The following PLPP1 variants were observed in gnomAD, a reference collection of about 807,000 sequenced individuals.
PLPP1 encodes phospholipid phosphatase 1, also known as lipid phosphate phosphohydrolase 1a.
In PLPP1, 24 loss-of-function variants were observed where a neutral mutation model predicts 31.2. The ratio of observed to expected loss-of-function variants is 0.77; its 90% CI spans 0.56 to 1.08. The LOEUF is 1.08. PLPP1 is among the 50% of genes least tolerant of loss of function. The pLI is 0.00. For missense variants in PLPP1, 319 were observed against 342.7 expected (o/e 0.93, Z 0.55); for synonymous variants, 146 against 126.3 (o/e 1.16, Z -1.05).
intron 2 of PLPP1, among the ~76,000 whole-genome samples, chr5:55,473,994 G>GTTTTTGTTTTTGTTT (rs59649742): frequency 1.2e-4 from 18 of 144,992 alleles, no homozygotes; most frequent in South Asian, 2.1e-4. Flanking sequence ...TTGTTTGTTT[G>GTTTTTGTTTTTGTTT]TTGTTTTTTT....
intron 2 of PLPP1, among the ~76,000 whole-genome samples, chr5:55,471,260 G>A (rs1026362055): frequency 6.6e-6 from 1 of 150,440 alleles, no homozygotes; most frequent in Admixed American, 6.6e-5. Flanking sequence ...AGAGTGCAGC[G>A]GCGTGATCTC....
At chr5:55,491,101 C>A in intron 1 of PLPP1, 1 of 1,613,046 alleles carries the variant, frequency 6.2e-7, no homozygotes, top group Non-Finnish European at 8.5e-7. Flanking sequence ...TTAGAACAGC[C>A]ATAGGCATGG....
At chr5:55,470,017 T>C (rs1289097547) in intron 2 of PLPP1, among the ~76,000 whole-genome samples, 1 of 152,200 alleles carries the variant, frequency 6.6e-6, no homozygotes, top group Non-Finnish European at 1.5e-5. Flanking sequence ...ACAGTTCTAA[T>C]TATAGTCCTT....
At chr5:55,483,455 T>G (rs1212910734) in intron 1 of PLPP1, among the ~76,000 whole-genome samples, 1 of 152,138 alleles carries the variant, frequency 6.6e-6, no homozygotes, top group Admixed American at 6.5e-5. Flanking sequence ...GCAGATCACA[T>G]GAGGTCAGGA....
At chr5:55,483,229 TTAATA>T (rs1249367981) in intron 1 of PLPP1, among the ~76,000 whole-genome samples, 4 of 152,218 alleles carry the variant, frequency 2.6e-5, no homozygotes, top group Non-Finnish European at 4.4e-5. Flanking sequence ...TATTGTCTAC[TTAATA>T]TATTATTACA....
chr5:55,487,126 C>G (rs1752791152), intron 1 of PLPP1, among the ~76,000 whole-genome samples: 1 of 152,158 alleles, frequency 6.6e-6, no homozygotes, highest in Admixed American at 6.6e-5. Flanking sequence ...AGTCAGTACT[C>G]AAGTCGATTT....
chr5:55,471,306 A>T (rs915830416), intron 2 of PLPP1, among the ~76,000 whole-genome samples: 2 of 150,702 alleles, frequency 1.3e-5, no homozygotes, highest in African/African-American at 4.9e-5. Context: ...GGTTCAAGTG[A>T]TTCTCCTGCT....
chr5:55,506,019 T>G (rs1414040677), intron 1 of PLPP1, among the ~76,000 whole-genome samples: 1 of 152,124 alleles, frequency 6.6e-6, no homozygotes, highest in African/African-American at 2.4e-5. Context: ...ATCACGCCAC[T>G]GCACTCCAGC....
At chr5:55,445,931 G>A (rs187933510) in intron 3 of PLPP1, among the ~76,000 whole-genome samples, 46 of 152,148 alleles carry the variant, frequency 3.0e-4, no homozygotes, top group African/African-American at 9.4e-4. Flanking sequence ...CTATCATTGC[G>A]CTATCTTCTG....
chr5:55,468,138 T>G lies in PLPP1; in HGVS notation c.222A>C (p.Gly74=). The G allele has an allele frequency of 6.3e-7, 1 of 1,585,734 alleles. No homozygotes were observed. The highest frequency in any genetic ancestry group is 1.1e-5 in the South Asian group (1 of 87,286). ...GGTTACAGTAAACAGACAGGGTTTC[T>G]CCAAGAATAATCTGAAAAAGAAACA... ...IPFSIIVIIL[G]ETLSVYCNLL... Residue 74 remains glycine (G), a synonymous_variant, in exon 3 of 6, where the codon GGA becomes GGC. Coordinates refer to ENST00000307259, the MANE Select transcript of PLPP1 (RefSeq NM_003711.4).
At chr5:55,448,112 T>C (rs1182538077) in intron 3 of PLPP1, among the ~76,000 whole-genome samples, 1 of 152,228 alleles carries the variant, frequency 6.6e-6, no homozygotes, top group Non-Finnish European at 1.5e-5. Flanking sequence ...GACCTCTTAA[T>C]GAACATAAAC....
At chr5:55,504,988 T>C (rs1357513699) in intron 1 of PLPP1, among the ~76,000 whole-genome samples, 2 of 151,968 alleles carry the variant, frequency 1.3e-5, no homozygotes, top group African/African-American at 2.4e-5. Context: ...TTTTTGTATT[T>C]TATGTAGAGA....
At chr5:55,483,144 T>C (rs1344191456) in intron 1 of PLPP1, among the ~76,000 whole-genome samples, 1 of 152,144 alleles carries the variant, frequency 6.6e-6, no homozygotes, top group East Asian at 1.9e-4. Context: ...TAGGAGCACT[T>C]AGACTACCAA....
At chr5:55,505,967 G>A (rs1753265790) in intron 1 of PLPP1, among the ~76,000 whole-genome samples, 1 of 152,230 alleles carries the variant, frequency 6.6e-6, no homozygotes, top group African/African-American at 2.4e-5. Context: ...TGAGGCAGGA[G>A]AATCGCTTGA....
At chr5:55,489,812 A>C (rs1473456758) in intron 1 of PLPP1, among the ~76,000 whole-genome samples, 1 of 152,210 alleles carries the variant, frequency 6.6e-6, no homozygotes. Flanking sequence ...TGTAAGTCAT[A>C]TATCTAGGAA....
At chr5:55,533,594 A>C (rs2111969990) in intron 1 of PLPP1, among the ~76,000 whole-genome samples, 1 of 152,306 alleles carries the variant, frequency 6.6e-6, no homozygotes, top group Middle Eastern at 3.4e-3. Flanking sequence ...CAGGTGGCTA[A>C]AGCCACAGAT....
chr5:55,479,878 C>T (rs977580586), intron 1 of PLPP1, among the ~76,000 whole-genome samples: 14 of 152,136 alleles, frequency 9.2e-5, no homozygotes, highest in Admixed American at 3.3e-4. Context: ...CTATGTGATG[C>T]TATAGTGAAC....
At chr5:55,503,886 G>A (rs947926310) in intron 1 of PLPP1, among the ~76,000 whole-genome samples, 1 of 58,030 alleles carries the variant, frequency 1.7e-5, no homozygotes, top group Non-Finnish European at 4.2e-5. Flanking sequence ...AAGAAGTAGA[G>A]GGGGGAGGAA....
chr5:55,473,416 A>C (rs1752464172), intron 2 of PLPP1, among the ~76,000 whole-genome samples: 1 of 152,220 alleles, frequency 6.6e-6, no homozygotes, highest in Non-Finnish European at 1.5e-5. Flanking sequence ...AGGAGCTCAC[A>C]GTCTTATAAA....
Sources: allele counts gnomAD v4.1 joint callset (sites outside exome capture counted in the v4.1 genomes callset), GRCh38; gene constraint gnomAD v4.1.1; transcripts MANE v1.5; gene names NCBI Gene and HGNC (gene_info 2026-07-23, HGNC 2026-07-21).